PDE3A: variants seen among roughly 807,000 people sequenced by gnomAD.
The protein encoded by PDE3A is cGMP-inhibited 3',5'-cyclic phosphodiesterase 3A.
PDE3A carries 43 observed loss-of-function variants against 98.3 expected under a neutral mutation model. The ratio of observed to expected loss-of-function variants is 0.44; its 90% CI spans 0.34 to 0.56. The LOEUF (loss-of-function observed/expected upper bound fraction) is 0.56. Ranked by LOEUF, PDE3A falls within the 20% of genes least tolerant of loss-of-function variation. PDE3A has a pLI of 0.01. For missense variants in PDE3A, 1,427 were observed against 1,440.7 expected (o/e 0.99, Z 0.15); for synonymous variants, 663 against 567.9 (o/e 1.17, Z -2.38).
intron 1 of PDE3A, among the ~76,000 whole-genome samples, chr12:20,495,411 C>G (rs1341718113): frequency 6.6e-6 from 1 of 152,130 alleles, no homozygotes; most frequent in Non-Finnish European, 1.5e-5. Context: ...CAACTATAAT[C>G]TAATTAACCT....
intron 1 of PDE3A, among the ~76,000 whole-genome samples, chr12:20,525,210 T>A (rs1186510703): frequency 6.6e-6 from 1 of 152,322 alleles, no homozygotes; most frequent in South Asian, 2.1e-4. Flanking sequence ...GTCAGTTTCC[T>A]CATCTGTATA....
intron 1 of PDE3A, among the ~76,000 whole-genome samples, chr12:20,474,211 C>A (rs1410225958): frequency 1.3e-5 from 2 of 152,042 alleles, no homozygotes; most frequent in Non-Finnish European, 2.9e-5. Flanking sequence ...GATGTTGAAG[C>A]TCTTTTTATA....
At chr12:20,621,102 C>G (rs1018650340) in intron 4 of PDE3A, among the ~76,000 whole-genome samples, 194 bp from the exon 5 acceptor site, 1 of 151,960 alleles carries the variant, frequency 6.6e-6, no homozygotes, top group Non-Finnish European at 1.5e-5. Context: ...TGCTATATCC[C>G]TGCAACAGAG....
chr12:20,639,743 T>G, intron 9 of PDE3A, 103 bp from the exon 10 acceptor site: 3 of 593,446 alleles, frequency 5.1e-6, no homozygotes, highest in Non-Finnish European at 9.2e-6. Context: ...TGAAAAGGCA[T>G]TTAATGTTTT....
chr12:20,471,683 T>TTGGA (rs1945442665), intron 1 of PDE3A, among the ~76,000 whole-genome samples: 1 of 152,174 alleles, frequency 6.6e-6, no homozygotes, highest in African/African-American at 2.4e-5. Context: ...TAAATTGATT[T>TTGGA]TCTAGGATGT....
At chr12:20,647,334 C>A (rs1944798960) in intron 12 of PDE3A, among the ~76,000 whole-genome samples, 1 of 152,122 alleles carries the variant, frequency 6.6e-6, no homozygotes, top group South Asian at 2.1e-4. Flanking sequence ...AATACCATTC[C>A]TTTGAAATAT....
chr12:20,685,950 C>T lies in PDE3A; in HGVS notation c.*5679C>T, dbSNP rs1006849430. On this transcript the variant is annotated 3_prime_UTR_variant, in exon 16 of 16. Coordinates refer to ENST00000359062, the MANE Select transcript of PDE3A (RefSeq NM_000921.5). Reference sequence around the variant, plus strand: ...AGAATGTTTAAATTTGGTTTATTTTCTTGAAGCAAAGTTATTTAATTTTTT... The same window carrying T: ...AGAATGTTTAAATTTGGTTTATTTTTTTGAAGCAAAGTTATTTAATTTTTT... Among the ~76,000 whole-genome samples the T allele has an allele frequency of 6.6e-6, 1 of 151,978 alleles. No homozygotes were observed. Among genetic ancestry groups the T allele is most frequent in the Non-Finnish European group, 1.5e-5 (1 of 67,950 alleles).
At chr12:20,554,694 C>A (rs1942320858) in intron 1 of PDE3A, among the ~76,000 whole-genome samples, 1 of 151,816 alleles carries the variant, frequency 6.6e-6, no homozygotes, top group Non-Finnish European at 1.5e-5. Flanking sequence ...TCAAGCGATT[C>A]TCCTGCCTCA....
intron 1 of PDE3A, among the ~76,000 whole-genome samples, chr12:20,551,209 T>C (rs1942188580): frequency 6.6e-6 from 1 of 152,042 alleles, no homozygotes; most frequent in Non-Finnish European, 1.5e-5. Context: ...ATTTATTTTG[T>C]AAGTTGTTCT....
chr12:20,553,651 G>T (rs1469667680), intron 1 of PDE3A, among the ~76,000 whole-genome samples: 4 of 151,938 alleles, frequency 2.6e-5, no homozygotes, highest in Admixed American at 2.6e-4. Flanking sequence ...CTCTGCCCAC[G>T]AGAGCAGGGA....
intron 1 of PDE3A, among the ~76,000 whole-genome samples, chr12:20,536,027 T>C (rs1050588614): frequency 6.6e-6 from 1 of 152,050 alleles, no homozygotes; most frequent in Non-Finnish European, 1.5e-5. Flanking sequence ...ATAAAAACAA[T>C]GTAAGTACTT....
At chr12:20,405,599 G>T (rs780449222) in intron 1 of PDE3A, among the ~76,000 whole-genome samples, 7 of 151,908 alleles carry the variant, frequency 4.6e-5, no homozygotes, top group Non-Finnish European at 8.8e-5. Context: ...GCTTTATTGA[G>T]ATATAATTGA....
Position 20,557,809 on chromosome 12 carries a change from T to C in PDE3A, c.1011+1099T>C, listed in dbSNP as rs191067036. Among the ~76,000 whole-genome samples the C allele has an allele frequency of 4.1e-3, 626 of 152,250 alleles. 3 individuals carry two copies. Among genetic ancestry groups the C allele is most frequent in the African/African-American group, 0.015 (607 of 41,560 alleles). ...AATTAGGATCATCTAAAAGAATTTATGCCTTACTTTATTTCCCTCATTTTT... is the reference window on the plus strand; with the variant it reads ...AATTAGGATCATCTAAAAGAATTTACGCCTTACTTTATTTCCCTCATTTTT... On this transcript the variant is annotated intron_variant, in intron 2 of 15. Coordinates refer to ENST00000359062, the MANE Select transcript of PDE3A (RefSeq NM_000921.5).
intron 2 of PDE3A, among the ~76,000 whole-genome samples, chr12:20,576,100 A>C (rs1423927632): frequency 6.6e-6 from 1 of 152,042 alleles, no homozygotes; most frequent in Non-Finnish European, 1.5e-5. Context: ...ATTATGGAAA[A>C]TGAGGTATCC....
chr12:20,476,425 C>T (rs1036814053), intron 1 of PDE3A, among the ~76,000 whole-genome samples: 5 of 152,170 alleles, frequency 3.3e-5, no homozygotes, highest in Admixed American at 3.3e-4. Context: ...ATTGTCAACT[C>T]TTCTGTGAAT....
intron 1 of PDE3A, among the ~76,000 whole-genome samples, chr12:20,525,476 G>GC (rs890226570): frequency 2.1e-4 from 31 of 145,832 alleles, no homozygotes; most frequent in Non-Finnish European, 3.9e-4. Context: ...TTGGGGGGGG[G>GC]GGCTTTTGAC....
At chr12:20,388,841 G>A (rs1943861673) in intron 1 of PDE3A, among the ~76,000 whole-genome samples, 1 of 151,882 alleles carries the variant, frequency 6.6e-6, no homozygotes, top group South Asian at 2.1e-4. Flanking sequence ...ATTTGTTGTT[G>A]CTTGTTTGAA....
rs562519825 is a variant in PDE3A at position 20,657,887 on chromosome 12, G to A, written c.3184+3682G>A. 4.6e-5 allele frequency among the ~76,000 whole-genome samples: 7 copies of A among 152,304 alleles called. No individual in the cohort carries two copies. In the East Asian group the frequency reaches 7.7e-4, roughly 17 times the overall value. On this transcript the variant is annotated intron_variant, in intron 15 of 15. Transcript: ENST00000359062. ...TTTTGTTAGCTTCTTCCCTATGAAT[G>A]CACTGCCATCAATGTGTATAACTTT...
intron 10 of PDE3A, among the ~76,000 whole-genome samples, chr12:20,643,903 A>G (rs1414673538): frequency 6.6e-6 from 1 of 151,204 alleles, no homozygotes; most frequent in East Asian, 2.0e-4. Context: ...GGTGGATTAG[A>G]GCTCAAAAGG....
Sources: allele counts gnomAD v4.1 joint callset (sites outside exome capture counted in the v4.1 genomes callset), GRCh38; gene constraint gnomAD v4.1.1; transcripts MANE v1.5; gene names NCBI Gene and HGNC (gene_info 2026-07-23, HGNC 2026-07-21).